The following PPARA variants were observed in gnomAD, a reference collection of about 807,000 sequenced individuals.
The protein encoded by PPARA is peroxisome proliferator-activated receptor alpha.
PPARA carries 22 observed loss-of-function variants against 42.2 expected under a neutral mutation model. That is an observed-to-expected ratio of 0.52 (90% CI 0.37 to 0.74). The LOEUF (loss-of-function observed/expected upper bound fraction) is 0.74, where lower values mean the gene tolerates loss of function less well. PPARA is among the 30% of genes least tolerant of loss of function. The pLI, the probability that PPARA is intolerant of heterozygous loss-of-function variation, is 0.00. For missense variants in PPARA, 465 were observed against 608.2 expected (o/e 0.76, Z 2.48); for synonymous variants, 242 against 239.3 (o/e 1.01, Z -0.10).
chr22:46,182,826 C>A lies in PPARA; in HGVS notation c.-43+5990C>A, dbSNP rs1466582847. 1.3e-5 allele frequency among the ~76,000 whole-genome samples: 2 copies of A among 152,092 alleles called. No individual in the cohort carries two copies. The highest frequency in any genetic ancestry group is 6.5e-5 in the Admixed American group (1 of 15,270). On this transcript the variant is annotated intron_variant, in intron 3 of 8. Transcript: ENST00000407236. This position sits in a 1 kb window ranked among gnomAD's most constrained non-coding sequence, Gnocchi z 5.2. ...ATGGCACCGTCTCAGAGCACTGTAA[C>A]CTCCGCCTCCCGGGTTCAAGCGATT...
chr22:46,206,945 G>A (rs553997267), intron 4 of PPARA, among the ~76,000 whole-genome samples: 57 of 152,090 alleles, frequency 3.7e-4, no homozygotes, highest in Non-Finnish European at 6.5e-4. Flanking sequence ...TCAAAGGGCC[G>A]GGCACAGTGG....
intron 7 of PPARA, chr22:46,220,776 C>T (rs1359861178): frequency 6.6e-6 from 1 of 151,668 alleles, no homozygotes; most frequent in African/African-American, 2.4e-5. Flanking sequence ...AACCCCAACT[C>T]TACTAAAGAT....
chr22:46,170,837 T>A (rs1036002282), intron 2 of PPARA, among the ~76,000 whole-genome samples: 6 of 151,520 alleles, frequency 4.0e-5, no homozygotes, highest in African/African-American at 9.7e-5. Context: ...TAGAATGGGA[T>A]GCATTCCTGG....
At chr22:46,198,110 C>T (rs1231915649) in intron 3 of PPARA, among the ~76,000 whole-genome samples, 1 of 148,110 alleles carries the variant, frequency 6.8e-6, no homozygotes, top group Non-Finnish European at 1.5e-5. Flanking sequence ...TGGTGGCAGG[C>T]GCCTGTAGTC....
intron 3 of PPARA, among the ~76,000 whole-genome samples, chr22:46,177,549 G>A (rs1929340619): frequency 6.6e-6 from 1 of 152,136 alleles, no homozygotes; most frequent in African/African-American, 2.4e-5. Context: ...CTAAATTTTG[G>A]AATGCATCCC....
At chr22:46,226,158 C>T (rs371632054) in intron 7 of PPARA, among the ~76,000 whole-genome samples, 7 of 151,384 alleles carry the variant, frequency 4.6e-5, no homozygotes, top group Non-Finnish European at 1.0e-4. Flanking sequence ...AGCATGCACA[C>T]ATATATATAT....
rs1932790564 is a variant in PPARA, at chr22:46,200,629, A to G, written c.208+2038A>G. Reference sequence around the variant, plus strand: ...AGAAATAAGCTCAGAGAAATTAAGTAACTTGGCTGGGCGCAGTGGCTCACG... The same window carrying G: ...AGAAATAAGCTCAGAGAAATTAAGTGACTTGGCTGGGCGCAGTGGCTCACG... On this transcript the variant is annotated intron_variant, in intron 4 of 8. Coordinates refer to ENST00000407236, the MANE Select transcript of PPARA (RefSeq NM_005036.6). This position sits in a 1 kb window ranked among gnomAD's most constrained non-coding sequence, Gnocchi z 4.8. Among the ~76,000 whole-genome samples the G allele has an allele frequency of 6.6e-6, 1 of 152,256 alleles. No homozygotes were observed. Among genetic ancestry groups the G allele is most frequent in the African/African-American group, 2.4e-5 (1 of 41,480 alleles).
chr22:46,241,790 T>G lies in PPARA; in HGVS notation c.*6410T>G, dbSNP rs1411227684. On this transcript the variant is annotated 3_prime_UTR_variant, in exon 9 of 9. Coordinates refer to ENST00000407236, the MANE Select transcript of PPARA (RefSeq NM_005036.6). This position sits in a 1 kb window ranked among gnomAD's most constrained non-coding sequence, Gnocchi z 5.7. ...CACATACAACTGCATCCTTTTGGAG[T>G]CCTTTGCCAACAAAAACAGACCAAC... The G allele has an allele frequency of 1.3e-5, 2 of 151,910 alleles. No homozygotes were observed. Among genetic ancestry groups the G allele is most frequent in the African/African-American group, 4.8e-5 (2 of 41,306 alleles). 9.4% of individuals were successfully genotyped at this position (151,910 alleles called of 1,614,324 possible). A position where few individuals can be genotyped will look rare whatever the true frequency, so the allele number is the denominator to read the frequency against.
intron 7 of PPARA, among the ~76,000 whole-genome samples, chr22:46,229,673 T>C (rs1038146524): frequency 1.3e-5 from 2 of 152,242 alleles, no homozygotes; most frequent in Non-Finnish European, 2.9e-5. Context: ...TGGTCAGAAC[T>C]GTTTTTAAGG....
intron 4 of PPARA, among the ~76,000 whole-genome samples, chr22:46,201,525 C>T (rs1330141242): frequency 6.6e-6 from 1 of 152,122 alleles, no homozygotes; most frequent in African/African-American, 2.4e-5. Flanking sequence ...GGAAAAGGCT[C>T]CGTGTCAGGT....
chr22:46,232,613 A>C lies in PPARA; in HGVS notation c.1159+374A>C, dbSNP rs994484626. On this transcript the variant is annotated intron_variant, in intron 8 of 8. Coordinates refer to ENST00000407236, the MANE Select transcript of PPARA (RefSeq NM_005036.6). This position sits in a 1 kb window ranked among gnomAD's most constrained non-coding sequence, Gnocchi z 5.3. ...GGTTGCAATGAGTTATGAATGCACCACTGCACTCTAGCCTGGGCAACAGAA... is the reference window on the plus strand; with the variant it reads ...GGTTGCAATGAGTTATGAATGCACCCCTGCACTCTAGCCTGGGCAACAGAA... Among the ~76,000 whole-genome samples, 1 of 151,926 alleles carries C rather than the reference A, an allele frequency of 6.6e-6. No homozygotes were observed. The highest frequency in any genetic ancestry group is 1.5e-5 in the Non-Finnish European group (1 of 67,994).
At position 46,204,580 on chromosome 22, in the gene PPARA, C is replaced by G. The variant is rs1933043768; in HGVS notation, c.208+5989C>G. ...ACCATGTCAGTAGGTGTGTGATGGT[C>G]TCTCACTGTGGTGATTTTTATTTGC... is the stretch of plus-strand genomic sequence containing the variant. On this transcript the variant is annotated intron_variant, in intron 4 of 8. Coordinates refer to ENST00000407236, the MANE Select transcript of PPARA (RefSeq NM_005036.6). The surrounding 1 kb of genome is among the most constrained non-coding windows in gnomAD (Gnocchi z 5.2). 6.6e-6 allele frequency among the ~76,000 whole-genome samples: 1 copy of G among 152,170 alleles called. No individual in the cohort carries two copies. The highest frequency in any genetic ancestry group is 2.4e-5 in the African/African-American group (1 of 41,440).
Position 46,171,981 on chromosome 22 carries a change from G to A in PPARA, c.-126-4772G>A, listed in dbSNP as rs78532213. Among the ~76,000 whole-genome samples, 1,707 of 152,300 alleles carry A rather than the reference G, an allele frequency of 0.011. 31 individuals are homozygous for A. The highest frequency in any genetic ancestry group is 0.037 in the African/African-American group (1,558 of 41,566). ...AAGGGGTGGGGCCCGGCCAAGCAAG[G>A]TGGCTAAGTGGGAAAGGCTCCACCG... On this transcript the variant is annotated intron_variant, in intron 2 of 8. Coordinates refer to ENST00000407236, the MANE Select transcript of PPARA (RefSeq NM_005036.6). The surrounding 1 kb of genome is among the most constrained non-coding windows in gnomAD (Gnocchi z 5.0).
chr22:46,158,546 G>T (rs1925673447), intron 2 of PPARA, among the ~76,000 whole-genome samples: 1 of 152,132 alleles, frequency 6.6e-6, no homozygotes, highest in Non-Finnish European at 1.5e-5. Context: ...AGAAGTTCGT[G>T]GTCAGCTTTA....
At chr22:46,175,495 C>T (rs1485347334) in intron 2 of PPARA, among the ~76,000 whole-genome samples, 2 of 151,590 alleles carry the variant, frequency 1.3e-5, no homozygotes, top group Non-Finnish European at 2.9e-5. Context: ...AGGCGGATCA[C>T]GAGGTCAGGA....
chr22:46,214,401 C>T (rs1934241286), intron 4 of PPARA, among the ~76,000 whole-genome samples: 1 of 149,894 alleles, frequency 6.7e-6, no homozygotes, highest in African/African-American at 2.5e-5. Flanking sequence ...GGAGAAGTGC[C>T]AGTCCCGAGA....
In PPARA at chr22:46,198,584, C is replaced by A; in HGVS notation, c.201C>A (p.Val67=). 1 of 1,611,448 alleles carries A rather than the reference C, an allele frequency of 6.2e-7. No homozygotes were observed. Among genetic ancestry groups the A allele is most frequent in the South Asian group, 1.1e-5 (1 of 90,972 alleles). ...LGSCPGSDGS[V]ITDTLSPASS... The stretch of plus-strand genomic sequence containing the variant: ...GCTGTCCTGGCTCAGATGGCTCGGT[C>A]ATCACGGGTAAGTGTGCCGTTTCCT... The change falls in exon 4 of 9, where the codon GTC becomes GTA. Residue 67 remains valine (V), a synonymous_variant. Coordinates refer to ENST00000407236, the MANE Select transcript of PPARA (RefSeq NM_005036.6).
rs140555095 is a variant in PPARA at position 46,196,026 on chromosome 22, GCAA to G, written c.-42-2315_-42-2313del. ...AAGGTGCAGACGTGGAATCCTGAAAGCAATTCTCAGCGCTGCTGCGTTTCCAGG... is the reference window on the plus strand; with the variant it reads ...AAGGTGCAGACGTGGAATCCTGAAAGTTCTCAGCGCTGCTGCGTTTCCAGG... On this transcript the variant is annotated intron_variant, in intron 3 of 8. Transcript: ENST00000407236. The surrounding 1 kb of genome is among the most constrained non-coding windows in gnomAD (Gnocchi z 5.6). Among the ~76,000 whole-genome samples the G allele has an allele frequency of 0.013, 1,939 of 152,280 alleles. 42 individuals are homozygous for G. Among genetic ancestry groups the G allele is most frequent in the African/African-American group, 0.045 (1,873 of 41,548 alleles).
At position 46,232,718 on chromosome 22, in the gene PPARA, G is replaced by T. The variant is rs558301833; in HGVS notation, c.1159+479G>T. Among the ~76,000 whole-genome samples the T allele has an allele frequency of 6.6e-6, 1 of 151,486 alleles. No homozygotes were observed. Among genetic ancestry groups the T allele is most frequent in the Non-Finnish European group, 1.5e-5 (1 of 67,906 alleles). ...AGAAAAAGAGGTCGGACATGGGCCT[G>T]TAATCCCAGCCCTTTGGGAGGCTGA... On this transcript the variant is annotated intron_variant, in intron 8 of 8. Transcript: ENST00000407236. The surrounding 1 kb of genome is among the most constrained non-coding windows in gnomAD (Gnocchi z 5.3).
Sources: gnomAD v4.1 joint callset for allele counts (sites outside exome capture counted in the v4.1 genomes callset) on GRCh38, gnomAD v4.1.1 for gene constraint, Gnocchi (gnomAD v3.1) non-coding constraint, MANE v1.5 for transcripts, NCBI Gene and HGNC (gene_info 2026-07-23, HGNC 2026-07-21) for gene names.